Variants in NEO1 observed in about 807,000 individuals in gnomAD.
NEO1 encodes the protein neogenin 1, also known as neogenin.
In NEO1, 63 loss-of-function variants were observed where a neutral mutation model predicts 159.7. The observed-to-expected ratio is 0.39, with a 90% CI of 0.32 to 0.49. The LOEUF (loss-of-function observed/expected upper bound fraction) is 0.49. NEO1 is among the 20% of genes least tolerant of loss of function. The pLI is 0.85. For synonymous variants in NEO1, 633 were observed against 662.0 expected (o/e 0.96, Z 0.67); for missense variants, 1,615 against 1,831.0 (o/e 0.88, Z 2.15).
chr15:73,196,017 CT>C (rs1567449567), intron 7 of NEO1, among the ~76,000 whole-genome samples: 1 of 152,082 alleles, frequency 6.6e-6, no homozygotes, highest in South Asian at 2.1e-4. Context: ...GTCAGTTTTT[CT>C]TTTTTATTGG....
At chr15:73,065,709 G>T (rs1465850054) in intron 1 of NEO1, among the ~76,000 whole-genome samples, 1 of 152,140 alleles carries the variant, frequency 6.6e-6, no homozygotes, top group Admixed American at 6.5e-5. Flanking sequence ...CCCGCTTATT[G>T]AGCTTGTTGT....
At chr15:73,102,481 C>T (rs949058311) in intron 1 of NEO1, among the ~76,000 whole-genome samples, 2 of 152,204 alleles carry the variant, frequency 1.3e-5, no homozygotes, top group Admixed American at 1.3e-4. Flanking sequence ...GTGTTGTAGT[C>T]TGTCATCTGT....
chr15:73,140,432 T>A (rs1184269404), intron 5 of NEO1, among the ~76,000 whole-genome samples: 1 of 152,140 alleles, frequency 6.6e-6, no homozygotes, highest in Non-Finnish European at 1.5e-5. Context: ...GGCACACACC[T>A]GTATTTCCAG....
chr15:73,084,961 G>A (rs1260554716), intron 1 of NEO1, among the ~76,000 whole-genome samples: 1 of 152,108 alleles, frequency 6.6e-6, no homozygotes, highest in Non-Finnish European at 1.5e-5. Flanking sequence ...GTATACAGGG[G>A]CCTTAGCTGA....
At chr15:73,126,666 C>A in intron 4 of NEO1, 96 bp downstream of exon 4, 1 of 1,178,632 alleles carries the variant, frequency 8.5e-7, no homozygotes, top group Non-Finnish European at 1.2e-6. Context: ...AGATTATCAA[C>A]TTTATTTAAA....
intron 1 of NEO1, among the ~76,000 whole-genome samples, chr15:73,085,763 G>A (rs2069319746): frequency 6.6e-6 from 1 of 152,100 alleles, no homozygotes; most frequent in Non-Finnish European, 1.5e-5. Context: ...TGCCCTTTTT[G>A]GTGAAGTGTG....
intron 23 of NEO1, among the ~76,000 whole-genome samples, chr15:73,286,746 G>A (rs1035649562): frequency 2.0e-5 from 3 of 152,144 alleles, no homozygotes; most frequent in Admixed American, 6.5e-5. Context: ...AGAAACCTTA[G>A]CATCATCCTG....
At chr15:73,068,043 A>G (rs1270336603) in intron 1 of NEO1, among the ~76,000 whole-genome samples, 1 of 152,200 alleles carries the variant, frequency 6.6e-6, no homozygotes, top group Non-Finnish European at 1.5e-5. Flanking sequence ...TTATTGGTTT[A>G]ACAGAATGAT....
rs1307949451 is a variant in NEO1, at chr15:73,236,346, G to T, written c.1292-1G>T. The T allele has an allele frequency of 4.3e-6, 7 of 1,614,040 alleles. No individual in the cohort carries two copies. The highest frequency in any genetic ancestry group is 5.9e-6 in the Non-Finnish European group (7 of 1,180,006). On this transcript the variant is annotated splice_acceptor_variant, in intron 7 of 28. Coordinates refer to ENST00000261908, the MANE Select transcript of NEO1 (RefSeq NM_002499.4). LOFTEE classifies it high-confidence loss of function. ...GACCAGTGCCACTACTGACCATCTAGCACCAGCCACAACGGGACCACTGCC... is the reference window on the plus strand; with the variant it reads ...GACCAGTGCCACTACTGACCATCTATCACCAGCCACAACGGGACCACTGCC...
chr15:73,301,667 T>C, intron 28 of NEO1: 1 of 607,870 alleles, frequency 1.6e-6, no homozygotes, highest in Non-Finnish European at 2.8e-6. Flanking sequence ...CTTTCCCATA[T>C]CCACTCTTTT....
chr15:73,189,082 G>A (rs559662374), intron 7 of NEO1, among the ~76,000 whole-genome samples: 2 of 152,178 alleles, frequency 1.3e-5, no homozygotes, highest in Admixed American at 1.3e-4. Flanking sequence ...CTGGGCAACA[G>A]AGCAAGACCA....
intron 7 of NEO1, among the ~76,000 whole-genome samples, chr15:73,216,451 A>C (rs1282801431): frequency 6.6e-6 from 1 of 152,196 alleles, no homozygotes; most frequent in Admixed American, 6.5e-5. Context: ...TATACCCAGT[A>C]ATGGGATGGC....
chr15:73,178,288 T>A lies in NEO1; in HGVS notation c.1171-19T>A, dbSNP rs751333671. On this transcript the variant is annotated intron_variant, in intron 6 of 28. Coordinates refer to ENST00000261908, the MANE Select transcript of NEO1 (RefSeq NM_002499.4). Reference sequence around the variant, plus strand: ...TATCAATTAAATTATGTAATTTTATTTATGCTTTTCTTCTTCAGAAGGAAC... The same window carrying A: ...TATCAATTAAATTATGTAATTTTATATATGCTTTTCTTCTTCAGAAGGAAC... 4 of 1,605,294 alleles carry A rather than the reference T, an allele frequency of 2.5e-6. No individual in the cohort carries two copies. The South Asian group carries it at 4.5e-5, about 18-fold the overall frequency.
At chr15:73,086,968 A>G (rs1179724400) in intron 1 of NEO1, among the ~76,000 whole-genome samples, 1 of 151,910 alleles carries the variant, frequency 6.6e-6, no homozygotes, top group Non-Finnish European at 1.5e-5. Flanking sequence ...AAACAATTTT[A>G]TTTGTTCCTT....
chr15:73,179,864 T>C (rs1488038035), intron 7 of NEO1, among the ~76,000 whole-genome samples: 1 of 40,656 alleles, frequency 2.5e-5, no homozygotes, highest in African/African-American at 9.6e-5. Flanking sequence ...AAATAATATG[T>C]ATATATATAT....
intron 5 of NEO1, among the ~76,000 whole-genome samples, chr15:73,170,460 G>T (rs937146810): frequency 6.6e-6 from 1 of 152,128 alleles, no homozygotes; most frequent in Non-Finnish European, 1.5e-5. Context: ...CACAAAAAGG[G>T]TCTCAGAGCA....
At chr15:73,302,008 A>G (rs2042637097) in intron 28 of NEO1, among the ~76,000 whole-genome samples, 1 of 152,072 alleles carries the variant, frequency 6.6e-6, no homozygotes. Flanking sequence ...AGCTTTTCAC[A>G]CTAGCCCAGC....
chr15:73,142,336 C>G (rs1348755702), intron 5 of NEO1, among the ~76,000 whole-genome samples: 1 of 152,116 alleles, frequency 6.6e-6, no homozygotes, highest in Non-Finnish European at 1.5e-5. Context: ...GCTTAACATT[C>G]AAGGATTTGT....
intron 5 of NEO1, among the ~76,000 whole-genome samples, chr15:73,146,812 A>G (rs948320250): frequency 2.6e-5 from 4 of 152,252 alleles, no homozygotes; most frequent in African/African-American, 9.6e-5. Flanking sequence ...TGTTGCAGAT[A>G]GAAGAGCCGT....
Sources: gnomAD v4.1 joint callset for allele counts (sites outside exome capture counted in the v4.1 genomes callset) on GRCh38, gnomAD v4.1.1 for gene constraint, MANE v1.5 for transcripts, NCBI Gene and HGNC (gene_info 2026-07-23, HGNC 2026-07-21) for gene names.